Variants in GRIN2A observed in about 807,000 individuals in gnomAD.
GRIN2A encodes the protein glutamate receptor ionotropic, NMDA 2A.
A neutral mutation model predicts 113.4 loss-of-function variants in GRIN2A; 22 were observed. The observed-to-expected ratio is 0.19, with a 90% confidence interval of 0.14 to 0.28. The LOEUF (loss-of-function observed/expected upper bound fraction) is 0.28. Ranked by LOEUF, GRIN2A falls within the 10% of genes least tolerant of loss-of-function variation. The pLI, the probability that GRIN2A is intolerant of heterozygous loss-of-function variation, is 1.00. For synonymous variants in GRIN2A, 827 were observed against 738.4 expected, an observed-to-expected ratio of 1.12 and a Z score of -1.94; for missense variants, 1,502 against 1,887.0, an observed-to-expected ratio of 0.80 and a Z score of 3.78.
intron 2 of GRIN2A, among the ~76,000 whole-genome samples, chr16:10,015,274 AAAAAAAAAAGAAAAAG>A (rs2046586885): frequency 5.0e-5 from 7 of 140,628 alleles, no homozygotes; most frequent in African/African-American, 1.6e-4. Flanking sequence ...AAAAAAAAGA[AAAAAAAAAAGAAAAAG>A]AAAGGAAAGG....
intron 2 of GRIN2A, among the ~76,000 whole-genome samples, chr16:10,142,730 G>C (rs1263550030): frequency 6.6e-6 from 1 of 151,976 alleles, no homozygotes; most frequent in Non-Finnish European, 1.5e-5. Flanking sequence ...ACCAACCAAA[G>C]ACACCCTAAC....
At chr16:10,024,493 C>G (rs144853625) in intron 2 of GRIN2A, among the ~76,000 whole-genome samples, 154 of 152,358 alleles carry the variant, frequency 1.0e-3, no homozygotes, top group Non-Finnish European at 1.6e-3. Flanking sequence ...GCTGGAATTA[C>G]AGGCGTGAGC....
intron 3 of GRIN2A, among the ~76,000 whole-genome samples, chr16:9,902,983 G>T (rs1207206749): frequency 2.5e-5 from 2 of 79,406 alleles, no homozygotes; most frequent in Non-Finnish European, 5.3e-5. Flanking sequence ...GGGGGTGGGT[G>T]GGGGTGACGG....
intron 2 of GRIN2A, among the ~76,000 whole-genome samples, chr16:10,136,191 C>A (rs1264934085): frequency 6.6e-6 from 1 of 152,126 alleles, no homozygotes; most frequent in Non-Finnish European, 1.5e-5. Flanking sequence ...CCCAGAAAGC[C>A]CATCATCTTC....
chr16:9,960,889 G>A (rs1048879682), intron 2 of GRIN2A, among the ~76,000 whole-genome samples: 1 of 152,184 alleles, frequency 6.6e-6, no homozygotes, highest in Non-Finnish European at 1.5e-5. Context: ...GTCTCCCAAA[G>A]TGCTGGGATT....
intron 2 of GRIN2A, among the ~76,000 whole-genome samples, chr16:10,038,735 C>T (rs2047083344): frequency 6.6e-6 from 1 of 151,792 alleles, no homozygotes; most frequent in Admixed American, 6.6e-5. Context: ...GTAGTCTCAG[C>T]TACTAGGGTG....
At chr16:10,112,621 G>T (rs878954186) in intron 2 of GRIN2A, 1 of 769,252 alleles carries the variant, frequency 1.3e-6, no homozygotes, top group Non-Finnish European at 2.4e-6. Context: ...TGGGGCATGG[G>T]CTCGCTAGAT....
intron 2 of GRIN2A, among the ~76,000 whole-genome samples, chr16:10,056,438 C>A (rs1353169790): frequency 6.6e-6 from 1 of 152,162 alleles, no homozygotes; most frequent in Non-Finnish European, 1.5e-5. Context: ...CTACACCTAC[C>A]CATTAAGCCA....
At chr16:9,969,601 C>T (rs1469638018) in intron 2 of GRIN2A, among the ~76,000 whole-genome samples, 1 of 152,150 alleles carries the variant, frequency 6.6e-6, no homozygotes, top group Non-Finnish European at 1.5e-5. Context: ...CATCCACCAC[C>T]CAAACTTACT....
intron 2 of GRIN2A, among the ~76,000 whole-genome samples, chr16:10,127,770 C>T (rs1053630597): frequency 6.6e-5 from 10 of 152,202 alleles, no homozygotes; most frequent in African/African-American, 1.9e-4. Flanking sequence ...CTACGTAAGT[C>T]ATCCATACCA....
At chr16:9,843,256 A>T (rs2042714967) in intron 5 of GRIN2A, among the ~76,000 whole-genome samples, 1 of 151,730 alleles carries the variant, frequency 6.6e-6, no homozygotes, top group Non-Finnish European at 1.5e-5. Flanking sequence ...CAACACAGAC[A>T]CACACACACG....
intron 2 of GRIN2A, among the ~76,000 whole-genome samples, chr16:10,036,777 T>C (rs1291257704): frequency 6.6e-6 from 1 of 151,978 alleles, no homozygotes; most frequent in East Asian, 1.9e-4. Context: ...GTATGCATCT[T>C]CATACCATCT....
At chr16:10,127,104 C>T (rs1448254) in intron 2 of GRIN2A, among the ~76,000 whole-genome samples, 5 of 152,058 alleles carry the variant, frequency 3.3e-5, no homozygotes, top group Non-Finnish European at 7.4e-5. Context: ...CTCTCATGAA[C>T]CCCATTTTCT....
intron 2 of GRIN2A, among the ~76,000 whole-genome samples, chr16:10,148,638 C>A (rs770427554): frequency 6.6e-6 from 1 of 152,184 alleles, no homozygotes; most frequent in Admixed American, 6.5e-5. Context: ...CAAATGTCAA[C>A]TCCATCCAGC....
chr16:9,937,960 G>T lies in GRIN2A; in HGVS notation c.1006C>A (p.Pro336Thr), dbSNP rs148511104. 1.4e-5 allele frequency: 22 copies of T among 1,610,130 alleles called. No homozygotes were observed. The East Asian group carries it at 4.9e-4, about 36-fold the overall frequency. The change falls in exon 3 of 13, where the codon CCA becomes ACA. Residue 336 changes from proline to threonine, a missense_variant and splice_region_variant. Coordinates refer to ENST00000330684, the MANE Select transcript of GRIN2A (RefSeq NM_001134407.3). ...GGGAGACAACAAGCCCTTTCTTACG[G>T]GTGCAAGGTGTGCATCGGGACCTCT... Reference protein sequence around the residue: ...RPEVPMHTLHPFMVNVTWDGK... With the variant: ...RPEVPMHTLHTFMVNVTWDGK...
intron 2 of GRIN2A, among the ~76,000 whole-genome samples, chr16:10,043,918 TATAA>T (rs1299145899): frequency 1.3e-5 from 2 of 151,030 alleles, no homozygotes; most frequent in Non-Finnish European, 2.9e-5. Flanking sequence ...TATATACACG[TATAA>T]ATATGTGTGT....
intron 2 of GRIN2A, among the ~76,000 whole-genome samples, chr16:10,034,489 C>T (rs772228100): frequency 2.1e-5 from 3 of 139,540 alleles, no homozygotes; most frequent in Non-Finnish European, 3.0e-5. Flanking sequence ...CGTGTCACTG[C>T]ACCCCAGGCT....
chr16:9,861,226 T>C (rs905398851), intron 4 of GRIN2A, among the ~76,000 whole-genome samples: 4 of 152,002 alleles, frequency 2.6e-5, no homozygotes, highest in Non-Finnish European at 4.4e-5. Flanking sequence ...TAAGCAGTGA[T>C]TTACTCCCAA....
intron 2 of GRIN2A, among the ~76,000 whole-genome samples, chr16:10,051,396 G>A (rs1293840751): frequency 6.6e-6 from 1 of 152,186 alleles, no homozygotes; most frequent in Non-Finnish European, 1.5e-5. Context: ...AAAACATTGG[G>A]AAGAAAAACT....
Sources: allele counts gnomAD v4.1 joint callset (sites outside exome capture counted in the v4.1 genomes callset), GRCh38; gene constraint gnomAD v4.1.1; transcripts MANE v1.5; gene names NCBI Gene and HGNC (gene_info 2026-07-23, HGNC 2026-07-21).